The following CPED1 variants were observed in gnomAD, a reference collection of about 807,000 sequenced individuals.
The protein encoded by CPED1 is cadherin like and PC-esterase domain containing 1, also known as cadherin-like and PC-esterase domain-containing protein 1.
Under a neutral mutation model 128.2 loss-of-function variants are expected in CPED1, and 114 were observed. The ratio of observed to expected loss-of-function variants is 0.89; its 90% CI spans 0.76 to 1.04. CPED1 has a LOEUF of 1.04. Among genes scored for constraint, CPED1 ranks in the 50% least tolerant of loss-of-function variants. The pLI, the probability that CPED1 is intolerant of heterozygous loss-of-function variation, is 0.00. For missense variants in CPED1, 1,211 were observed against 1,207.1 expected (o/e 1.00, Z -0.05); for synonymous variants, 462 against 426.7 (o/e 1.08, Z -1.02).
At chr7:121,232,470 G>C (rs545282399) in intron 16 of CPED1, among the ~76,000 whole-genome samples, 1 of 152,016 alleles carries the variant, frequency 6.6e-6, no homozygotes, top group Non-Finnish European at 1.5e-5. Flanking sequence ...GTAAGTGTTC[G>C]GGCTCAAGAG....
At chr7:121,182,898 G>T (rs1796929616) in intron 16 of CPED1, among the ~76,000 whole-genome samples, 2 of 151,672 alleles carry the variant, frequency 1.3e-5, no homozygotes, top group Non-Finnish European at 2.9e-5. Flanking sequence ...TGAAATATTA[G>T]TTTCCTCCTT....
chr7:121,283,125 G>C (rs1022918698), intron 22 of CPED1, among the ~76,000 whole-genome samples: 1 of 152,102 alleles, frequency 6.6e-6, no homozygotes, highest in East Asian at 1.9e-4. Context: ...TTGGTACATA[G>C]TTCTGTTTTA....
At chr7:121,247,394 A>C (rs1434698483) in intron 18 of CPED1, among the ~76,000 whole-genome samples, 1 of 152,204 alleles carries the variant, frequency 6.6e-6, no homozygotes, top group African/African-American at 2.4e-5. Flanking sequence ...GTAGAACAAA[A>C]GGTGAACAAG....
chr7:121,236,419 A>G (rs1343225395), intron 16 of CPED1, among the ~76,000 whole-genome samples: 1 of 152,030 alleles, frequency 6.6e-6, no homozygotes, highest in African/African-American at 2.4e-5. Context: ...ATTGTCCTCT[A>G]TTATAGTTTG....
At chr7:121,114,741 C>CA (rs1795194595) in intron 7 of CPED1, among the ~76,000 whole-genome samples, 1 of 152,062 alleles carries the variant, frequency 6.6e-6, no homozygotes, top group Admixed American at 6.5e-5. Flanking sequence ...GGCCATATGT[C>CA]AAAAGATTGA....
chr7:121,205,174 A>T (rs188257285), intron 16 of CPED1, among the ~76,000 whole-genome samples: 1 of 152,208 alleles, frequency 6.6e-6, no homozygotes, highest in Admixed American at 6.5e-5. Context: ...TTAAATTTGT[A>T]TATGTCATCA....
chr7:120,989,899 A>C, intron 2 of CPED1, 29 bp downstream of exon 2: 1 of 1,611,536 alleles, frequency 6.2e-7, no homozygotes, highest in Non-Finnish European at 8.5e-7. Context: ...TAACGGAGAC[A>C]GTTTCTGCAA....
intron 16 of CPED1, among the ~76,000 whole-genome samples, chr7:121,159,687 C>CT (rs1193011856): frequency 6.6e-6 from 1 of 152,038 alleles, no homozygotes; most frequent in Non-Finnish European, 1.5e-5. Flanking sequence ...ATTGTGGTAT[C>CT]TTTTTAAAAA....
chr7:121,151,960 A>G (rs1796169593), intron 16 of CPED1, among the ~76,000 whole-genome samples: 1 of 152,232 alleles, frequency 6.6e-6, no homozygotes, highest in African/African-American at 2.4e-5. Flanking sequence ...AGAACTAACT[A>G]CAGGCTGGTT....
At chr7:121,044,650 C>CTTTTTTTTTTTTTTTTTTTTTTT (rs58884492) in intron 3 of CPED1, among the ~76,000 whole-genome samples, 1 of 106,038 alleles carries the variant, frequency 9.4e-6, no homozygotes, top group Non-Finnish European at 1.8e-5. Flanking sequence ...ACTTTCTGCT[C>CTTTTTTTTTTTTTTTTTTTTTTT]TTTTTTTTTT....
chr7:121,218,603 G>A (rs1171702211), intron 16 of CPED1, among the ~76,000 whole-genome samples: 1 of 151,920 alleles, frequency 6.6e-6, no homozygotes, highest in African/African-American at 2.4e-5. Context: ...TGTCACCATT[G>A]TTGGCAACTA....
chr7:121,186,081 A>T (rs2116512347), intron 16 of CPED1, among the ~76,000 whole-genome samples: 1 of 152,298 alleles, frequency 6.6e-6, no homozygotes, highest in South Asian at 2.1e-4. Flanking sequence ...TGGACTAAGA[A>T]AAAAGGTATT....
chr7:121,165,218 T>C (rs1796497330), intron 16 of CPED1, among the ~76,000 whole-genome samples: 1 of 152,178 alleles, frequency 6.6e-6, no homozygotes, highest in African/African-American at 2.4e-5. Flanking sequence ...GTAGGATATG[T>C]TGGATATAAA....
intron 15 of CPED1, among the ~76,000 whole-genome samples, chr7:121,141,320 C>G (rs191966878): frequency 6.6e-6 from 1 of 152,030 alleles, no homozygotes; most frequent in East Asian, 1.9e-4. Context: ...TTTGAATATT[C>G]AAAAATTGAT....
chr7:120,994,921 C>T (rs1466087754), intron 2 of CPED1, among the ~76,000 whole-genome samples: 4 of 152,090 alleles, frequency 2.6e-5, no homozygotes, highest in Non-Finnish European at 5.9e-5. Context: ...TTTCAAAATG[C>T]CTCTTCTTCG....
intron 14 of CPED1, among the ~76,000 whole-genome samples, chr7:121,136,500 T>G (rs971525662): frequency 6.6e-6 from 1 of 152,026 alleles, no homozygotes; most frequent in African/African-American, 2.4e-5. Flanking sequence ...CAGTTGAGAG[T>G]TTTTAAGCCA....
chr7:121,110,076 T>A (rs905983466), intron 7 of CPED1, among the ~76,000 whole-genome samples: 1 of 152,184 alleles, frequency 6.6e-6, no homozygotes, highest in Non-Finnish European at 1.5e-5. Context: ...GGGATCGGTG[T>A]GCAGTAAGAA....
intron 16 of CPED1, among the ~76,000 whole-genome samples, chr7:121,220,107 TA>T (rs1477466333): frequency 2.6e-5 from 4 of 152,034 alleles, no homozygotes; most frequent in Admixed American, 2.6e-4. Flanking sequence ...ATAAGTTTTA[TA>T]AAAGGAAATA....
At chr7:121,248,594 C>CAAAA (rs36015608) in intron 18 of CPED1, among the ~76,000 whole-genome samples, 66 of 118,458 alleles carry the variant, frequency 5.6e-4, no homozygotes, top group African/African-American at 1.4e-3. Flanking sequence ...CCCTGTGAAA[C>CAAAA]AAAAAAAAAA....
Sources: gnomAD v4.1 joint callset for allele counts (sites outside exome capture counted in the v4.1 genomes callset) on GRCh38, gnomAD v4.1.1 for gene constraint, MANE v1.5 for transcripts, NCBI Gene and HGNC (gene_info 2026-07-23, HGNC 2026-07-21) for gene names.